ARHGEF1: variants seen among roughly 807,000 people sequenced by gnomAD.
The protein encoded by ARHGEF1 is Rho guanine nucleotide exchange factor 1, also known as 115 kDa guanine nucleotide exchange factor.
Under a neutral mutation model 119.7 loss-of-function variants are expected in ARHGEF1, and 40 were observed. The observed-to-expected ratio is 0.33, with a 90% CI of 0.26 to 0.44. The LOEUF (loss-of-function observed/expected upper bound fraction) is 0.44. ARHGEF1 is among the 20% of genes least tolerant of loss of function. The pLI is 1.00. For synonymous variants in ARHGEF1, 494 were observed against 521.0 expected, an observed-to-expected ratio of 0.95 and a Z score of 0.71; for missense variants, 976 against 1,268.3, an observed-to-expected ratio of 0.77 and a Z score of 3.50.
downstream of ARHGEF1, chr19:41,909,729 G>A (rs1466513164): frequency 1.3e-5 from 13 of 1,036,596 alleles, no homozygotes; most frequent in Admixed American, 8.5e-5. The surrounding 1 kb of genome is among the most constrained non-coding windows in gnomAD (Gnocchi z 5.2). Flanking sequence ...CACAAGTAGC[G>A]ATGGTGGCTA....
chr19:41,895,414 G>A lies in ARHGEF1; in HGVS notation c.943G>A (p.Gly315Arg), dbSNP rs1555847368. ...GATGCCCTCTCGGGACCGGAATATCGGGGCTCCTGGGCAGGACACCCCTGG... is the reference window on the plus strand; with the variant it reads ...GATGCCCTCTCGGGACCGGAATATCAGGGCTCCTGGGCAGGACACCCCTGG... ...VGMPSRDRNI[G>R]APGQDTPGVS... Residue 315 changes from glycine to arginine, a missense_variant, in exon 12 of 29, where the codon GGG (glycine) becomes AGG (arginine). Coordinates refer to ENST00000354532, the MANE Select transcript of ARHGEF1 (RefSeq NM_004706.4). 5 of 1,612,512 alleles carry A rather than the reference G, an allele frequency of 3.1e-6. No individual in the cohort carries two copies. In the East Asian group the frequency reaches 6.7e-5, roughly 22 times the overall value.
Position 41,898,465 on chromosome 19 carries a change from A to G in ARHGEF1, c.1145A>G (p.Glu382Gly). 1 of 1,547,536 alleles carries G rather than the reference A, an allele frequency of 6.5e-7. No homozygotes were observed. The highest frequency in any genetic ancestry group is 8.7e-7 in the Non-Finnish European group (1 of 1,145,468). ...AGCCCCGAGCCTGGAGATGAGGGGG[A>G]GCCGGGGCGGTCGGGACTGGAGCTT... ...TESPEPGDEG[E>G]PGRSGLELEP... The change falls in exon 14 of 29, where the codon GAG becomes GGG. Residue 382 changes from glutamate to glycine, a missense_variant. Transcript: ENST00000354532.
At chr19:41,908,410 C>T, downstream of ARHGEF1, 3 of 1,231,244 alleles carry the variant, frequency 2.4e-6, no homozygotes, top group Non-Finnish European at 3.0e-6. The surrounding 1 kb of genome is among the most constrained non-coding windows in gnomAD (Gnocchi z 6.7). Context: ...CGAGGGGCCG[C>T]TGCCAGGCCC....
chr19:41,928,814 C>T (rs782452270), intron 1 of ARHGEF1: 84 of 432,910 alleles, frequency 1.9e-4, no homozygotes, highest in South Asian at 1.3e-3. Context: ...TTCTCCTCCG[C>T]CCCGCTCCTC....
intron 2 of ARHGEF1, chr19:41,929,102 C>T (rs1187373035): frequency 6.7e-6 from 2 of 300,568 alleles, no homozygotes; most frequent in African/African-American, 4.4e-5. Flanking sequence ...GACCGTAATA[C>T]AGGAAGTGGA....
At position 41,892,244 on chromosome 19, in the gene ARHGEF1, G is replaced by A. The variant is rs1451592909; in HGVS notation, c.325-87G>A. On this transcript the variant is annotated intron_variant, in intron 5 of 28. Coordinates refer to ENST00000354532, the MANE Select transcript of ARHGEF1 (RefSeq NM_004706.4). This position sits in a 1 kb window ranked among gnomAD's most constrained non-coding sequence, Gnocchi z 6.3. Reference sequence around the variant, plus strand: ...GACCCAGGCCTTCCCCAGCACCCTCGCTTAGACCAGGGTTCCTGGCAGTCC... The same window carrying A: ...GACCCAGGCCTTCCCCAGCACCCTCACTTAGACCAGGGTTCCTGGCAGTCC... 20 of 1,589,174 alleles carry A rather than the reference G, an allele frequency of 1.3e-5. No individual in the cohort carries two copies. The highest frequency in any genetic ancestry group is 3.3e-5 in the Admixed American group (2 of 59,736).
In ARHGEF1 at chr19:41,905,735, G is replaced by T. The variant is rs1555850024; in HGVS notation, c.2337-25G>T. The T allele has an allele frequency of 6.2e-7, 1 of 1,613,338 alleles. No individual in the cohort carries two copies. On this transcript the variant is annotated intron_variant, in intron 24 of 28. Transcript: ENST00000354532. The surrounding 1 kb of genome is among the most constrained non-coding windows in gnomAD (Gnocchi z 6.4). ...GGCCCCCCAGGGCCAGGGGTGTGGG[G>T]TCACCCAGCACTTCCTCCCCTCAGC...
Position 41,905,548 on chromosome 19 carries a change from T to C in ARHGEF1, c.2337-212T>C. 2 of 620,802 alleles carry C rather than the reference T, an allele frequency of 3.2e-6. No individual in the cohort carries two copies. Among genetic ancestry groups the C allele is most frequent in the Non-Finnish European group, 5.6e-6 (2 of 354,302 alleles). The allele number at this position is 620,802 out of a possible 1,614,324, so 38.5% of individuals were successfully genotyped here. ...GCATGCATGTGTGTGTGTGTGCGCA[T>C]GTGCCGACCCCACCACTGCCCCGTC... is the stretch of plus-strand genomic sequence containing the variant. On this transcript the variant is annotated intron_variant, in intron 24 of 28. Coordinates refer to ENST00000354532, the MANE Select transcript of ARHGEF1 (RefSeq NM_004706.4). The surrounding 1 kb of genome is among the most constrained non-coding windows in gnomAD (Gnocchi z 6.4).
At chr19:41,928,470 T>TTCCTCCTCTTCCTCCTGCTCCTCC in intron 1 of ARHGEF1, 1 of 154,906 alleles carries the variant, frequency 6.5e-6, no homozygotes, top group Non-Finnish European at 1.4e-5. Flanking sequence ...CCTTCTCCTC[T>TTCCTCCTCTTCCTCCTGCTCCTCC]TCCTCCTCTT....
rs782433500 is a variant in ARHGEF1, at chr19:41,892,314, TTCTC to T, written c.325-11_325-8del. The T allele has an allele frequency of 1.1e-5, 18 of 1,613,516 alleles. No individual in the cohort carries two copies. In the East Asian group the frequency reaches 3.6e-4, roughly 32 times the overall value. On this transcript the variant is annotated splice_polypyrimidine_tract_variant and intron_variant, in intron 5 of 28. Transcript: ENST00000354532. The surrounding 1 kb of genome is among the most constrained non-coding windows in gnomAD (Gnocchi z 6.3). ...ACACCAAGTCCTCCTCTTCACCCCA[TTCTC>T]TCTCTTGAGCAGGTTCTCCGGGTGC...
chr19:41,908,951 CCCT>C (rs1555850997), downstream of ARHGEF1: 1 of 661,426 alleles, frequency 1.5e-6, no homozygotes, highest in Non-Finnish European at 2.1e-6. This position sits in a 1 kb window ranked among gnomAD's most constrained non-coding sequence, Gnocchi z 6.7. Flanking sequence ...TACAACCTGG[CCCT>C]GGGCCCCCTT....
In ARHGEF1 at chr19:41,906,679, C is replaced by T. The variant is rs781884230; in HGVS notation, c.2656-24C>T. The stretch of plus-strand genomic sequence containing the variant: ...GGCTGGGGAAGGAAGGGGCCCCCCT[C>T]ATCCATGACCCCCACCCCACCAGGA... On this transcript the variant is annotated intron_variant, in intron 27 of 28. Coordinates refer to ENST00000354532, the MANE Select transcript of ARHGEF1 (RefSeq NM_004706.4). This position sits in a 1 kb window ranked among gnomAD's most constrained non-coding sequence, Gnocchi z 4.5. The T allele has an allele frequency of 1.3e-6, 2 of 1,599,578 alleles. No individual in the cohort carries two copies. Among genetic ancestry groups the T allele is most frequent in the Non-Finnish European group, 1.7e-6 (2 of 1,174,972 alleles).
chr19:41,923,256 G>A (rs2074852282), intron 1 of ARHGEF1: 1 of 447,248 alleles, frequency 2.2e-6, no homozygotes, highest in Non-Finnish European at 4.5e-6. Flanking sequence ...CTAGGCCCCC[G>A]ATATTTGTAC....
Position 41,913,949 on chromosome 19 carries a change from C to G in ARHGEF1, c.1865+7146C>G, listed in dbSNP as rs938899831. Among the ~76,000 whole-genome samples, 13 of 150,968 alleles carry G rather than the reference C, an allele frequency of 8.6e-5. No homozygotes were observed. In the East Asian group the frequency reaches 1.6e-3, roughly 18 times the overall value. On this transcript the variant is annotated intron_variant, in intron 18 of 20. Transcript: ENST00000599589. Reference sequence around the variant, plus strand: ...CTCTGGAGCACCTTCTTCCTGGAGACCCCCCAGACGCTCTCAAAAACCCAC... The same window carrying G: ...CTCTGGAGCACCTTCTTCCTGGAGAGCCCCCAGACGCTCTCAAAAACCCAC...
At position 41,924,556 on chromosome 19, in the gene ARHGEF1, A is replaced by G. The variant is rs574053646; in HGVS notation, c.140+1323A>G. On this transcript the variant is annotated intron_variant, in intron 1 of 2. Transcript: ENST00000594417. Reference sequence around the variant, plus strand: ...ATTCTCGTTGTCGCCATCAGTATATATGGGGAGGGTAGGTGTTATGTGGTG... The same window carrying G: ...ATTCTCGTTGTCGCCATCAGTATATGTGGGGAGGGTAGGTGTTATGTGGTG... Among the ~76,000 whole-genome samples, 4 of 151,900 alleles carry G rather than the reference A, an allele frequency of 2.6e-5. 1 individual carries two copies. The highest frequency in any genetic ancestry group is 9.7e-5 in the African/African-American group (4 of 41,268).
At chr19:41,918,322 TAC>T (rs1331189656), upstream of ARHGEF1, among the ~76,000 whole-genome samples, 3 of 145,596 alleles carry the variant, frequency 2.1e-5, no homozygotes, top group East Asian at 6.2e-4. Context: ...ACACACCACA[TAC>T]ACACACACGG....
chr19:41,892,998 T>A lies in ARHGEF1; in HGVS notation c.614+149T>A. On this transcript the variant is annotated intron_variant, in intron 7 of 28. Transcript: ENST00000354532. This position sits in a 1 kb window ranked among gnomAD's most constrained non-coding sequence, Gnocchi z 6.3. ...CTGGGGGTCTTCCTCTACCCTGGTG[T>A]TTTAACTCACCTTGAATCCGAGTCT... is the stretch of plus-strand genomic sequence containing the variant. 8.0e-7 allele frequency: 1 copy of A among 1,250,424 alleles called. No individual in the cohort carries two copies. The highest frequency in any genetic ancestry group is 1.1e-6 in the Non-Finnish European group (1 of 935,434). The allele number at this position is 1,250,424 out of a possible 1,614,324, so 77.5% of individuals were successfully genotyped here. A position where few individuals can be genotyped will look rare whatever the true frequency, so the allele number is the denominator to read the frequency against.
In ARHGEF1 at chr19:41,927,516, T is replaced by C. The variant is rs572824377; in HGVS notation, c.141-1315T>C. 2.6e-5 allele frequency among the ~76,000 whole-genome samples: 4 copies of C among 152,092 alleles called. No homozygotes were observed. In the East Asian group the frequency reaches 7.7e-4, roughly 29 times the overall value. On this transcript the variant is annotated intron_variant, in intron 1 of 2. Coordinates refer to the ARHGEF1 transcript ENST00000594417. The stretch of plus-strand genomic sequence containing the variant: ...CAGTCCCAGATATCCACACCCCCAG[T>C]CCTGACTCCCAGCCCCAGTCAGCTC...
rs782487601 is a variant in ARHGEF1, at chr19:41,904,904, T to C, written c.2162-45T>C. On this transcript the variant is annotated intron_variant, in intron 22 of 28. Coordinates refer to ENST00000354532, the MANE Select transcript of ARHGEF1 (RefSeq NM_004706.4). The surrounding 1 kb of genome is among the most constrained non-coding windows in gnomAD (Gnocchi z 8.4). ...CTTGTGCTTAGGGAGGGGCAGGCACTGGGGGGACCTGGGCTCTGAGCCCCA... is the reference window on the plus strand; with the variant it reads ...CTTGTGCTTAGGGAGGGGCAGGCACCGGGGGGACCTGGGCTCTGAGCCCCA... The C allele has an allele frequency of 3.2e-6, 5 of 1,547,168 alleles. No homozygotes were observed. The highest frequency in any genetic ancestry group is 1.7e-5 in the Admixed American group (1 of 59,892).
Sources: allele counts gnomAD v4.1 joint callset (sites outside exome capture counted in the v4.1 genomes callset), GRCh38; gene constraint gnomAD v4.1.1; non-coding constraint Gnocchi (gnomAD v3.1); transcripts MANE v1.5; gene names NCBI Gene and HGNC (gene_info 2026-07-23, HGNC 2026-07-21).